The following IL1RAPL2 variants were observed in gnomAD, a reference collection of about 807,000 sequenced individuals.
IL1RAPL2 encodes the protein X-linked interleukin-1 receptor accessory protein-like 2.
In IL1RAPL2, 3 loss-of-function variants were observed where a neutral mutation model predicts 44.1. That is an observed-to-expected ratio of 0.07 (90% CI 0.03 to 0.18). The LOEUF (loss-of-function observed/expected upper bound fraction) is 0.18, where lower values mean the gene tolerates loss of function less well. Ranked by LOEUF, IL1RAPL2 falls within the 10% of genes least tolerant of loss-of-function variation. The probability of loss-of-function intolerance (pLI) is 1.00; values close to 1 mark genes in which losing one functional copy is unlikely to be tolerated. For missense variants in IL1RAPL2, 391 were observed against 496.4 expected, an observed-to-expected ratio of 0.79 and a Z score of 2.02; for synonymous variants, 181 against 178.8, an observed-to-expected ratio of 1.01 and a Z score of -0.10.
At chrX:104,642,649 T>A (rs751766254) in intron 1 of IL1RAPL2, among the ~76,000 whole-genome samples, 1 of 110,888 alleles carries the variant, frequency 9.0e-6, no homozygotes, top group African/African-American at 3.3e-5. Context: ...CACACCCAGC[T>A]AATTTTTTGT....
At chrX:104,706,258 A>G (rs947680556) in intron 2 of IL1RAPL2, among the ~76,000 whole-genome samples, 21 of 111,814 alleles carry the variant, frequency 1.9e-4, no homozygotes, top group African/African-American at 6.8e-4. Context: ...TGTTTTATTC[A>G]TATGTTCATT....
At chrX:105,170,085 C>T (rs896162655) in intron 2 of IL1RAPL2, among the ~76,000 whole-genome samples, 1 of 110,876 alleles carries the variant, frequency 9.0e-6, no homozygotes, top group African/African-American at 3.3e-5. Context: ...CAATTTCTAA[C>T]TTGTTATAAA....
chrX:104,803,131 T>G (rs1465074951), intron 2 of IL1RAPL2, among the ~76,000 whole-genome samples: 1 of 111,957 alleles, frequency 8.9e-6, no homozygotes, highest in Non-Finnish European at 1.9e-5. Flanking sequence ...GATGGATTCA[T>G]TAAGTTCATA....
intron 6 of IL1RAPL2, among the ~76,000 whole-genome samples, chrX:105,644,415 T>C (rs1395193308): frequency 9.0e-6 from 1 of 110,717 alleles, no homozygotes; most frequent in Non-Finnish European, 1.9e-5. Flanking sequence ...TAAAAATTGA[T>C]AAATAACATC....
chrX:104,648,851 C>T (rs1031949453), intron 1 of IL1RAPL2, among the ~76,000 whole-genome samples: 3 of 111,006 alleles, frequency 2.7e-5, no homozygotes, highest in Non-Finnish European at 3.8e-5. Flanking sequence ...TGTATGGAGC[C>T]CAAAGCTGGG....
At chrX:104,641,181 G>C (rs994575863) in intron 1 of IL1RAPL2, among the ~76,000 whole-genome samples, 4 of 112,032 alleles carry the variant, frequency 3.6e-5, no homozygotes, top group African/African-American at 1.3e-4. Context: ...GCACTTGCAG[G>C]TAGATGCCAG....
chrX:105,005,163 C>G (rs1243232671), intron 2 of IL1RAPL2, among the ~76,000 whole-genome samples: 1 of 110,895 alleles, frequency 9.0e-6, no homozygotes, highest in Non-Finnish European at 1.9e-5. Context: ...TTTTGTGAAA[C>G]CTATTCCCTC....
At chrX:105,275,949 G>A (rs192945920) in intron 5 of IL1RAPL2, among the ~76,000 whole-genome samples, 73 of 111,847 alleles carry the variant, frequency 6.5e-4, no homozygotes, top group Admixed American at 2.8e-3. Context: ...CAAAGTTGGT[G>A]ACTCCAGAGC....
At chrX:105,071,848 C>T (rs1484765967) in intron 2 of IL1RAPL2, among the ~76,000 whole-genome samples, 2 of 111,842 alleles carry the variant, frequency 1.8e-5, no homozygotes, top group African/African-American at 3.2e-5. Context: ...ACTCTCACAT[C>T]ATATATGAAA....
At chrX:104,995,895 A>G (rs888195654) in intron 2 of IL1RAPL2, among the ~76,000 whole-genome samples, 6 of 111,764 alleles carry the variant, frequency 5.4e-5, no homozygotes, top group African/African-American at 1.9e-4. Flanking sequence ...ACAATGCACT[A>G]TTTTAATTTA....
chrX:105,205,727 G>A (rs1438842838), intron 3 of IL1RAPL2, among the ~76,000 whole-genome samples: 1 of 102,753 alleles, frequency 9.7e-6, no homozygotes, highest in East Asian at 3.0e-4. Context: ...AGATGCTGTT[G>A]CATATTGTGG....
chrX:105,040,407 T>G lies in IL1RAPL2; in HGVS notation c.83-155068T>G, dbSNP rs186360776. On this transcript the variant is annotated intron_variant, in intron 2 of 10. Transcript: ENST00000372582. ...GATGCTGGCCTCATATAATGAGTTA[T>G]GGAGGATTCCCTCTTTTTCTATTGA... Among the ~76,000 whole-genome samples, 455 of 111,664 alleles carry G rather than the reference T, an allele frequency of 4.1e-3. 3 individuals are homozygous for G. The highest frequency in any genetic ancestry group is 0.014 in the African/African-American group (428 of 30,717).
chrX:105,125,239 T>C (rs1412755185), intron 2 of IL1RAPL2, among the ~76,000 whole-genome samples: 1 of 111,093 alleles, frequency 9.0e-6, no homozygotes, highest in African/African-American at 3.3e-5. Context: ...CTACCACATA[T>C]ATTCCCAGAA....
chrX:105,477,508 G>A (rs1163018825), intron 5 of IL1RAPL2, among the ~76,000 whole-genome samples: 1 of 111,603 alleles, frequency 9.0e-6, no homozygotes, highest in African/African-American at 3.3e-5. Context: ...CTTATGATGT[G>A]TTCAGAGCTC....
intron 2 of IL1RAPL2, among the ~76,000 whole-genome samples, chrX:104,807,430 G>C (rs1932930399): frequency 9.0e-6 from 1 of 111,449 alleles, no homozygotes; most frequent in Admixed American, 9.5e-5. Context: ...TTGGAATAGG[G>C]TTTATCTTTA....
intron 2 of IL1RAPL2, among the ~76,000 whole-genome samples, chrX:104,760,973 G>C (rs1320535730): frequency 9.0e-6 from 1 of 111,275 alleles, no homozygotes; most frequent in Non-Finnish European, 1.9e-5. Flanking sequence ...GAGAGATGGG[G>C]TCTACTTTCA....
chrX:105,419,197 A>T (rs1379369475), intron 5 of IL1RAPL2, among the ~76,000 whole-genome samples: 1 of 112,026 alleles, frequency 8.9e-6, no homozygotes, highest in Non-Finnish European at 1.9e-5. Flanking sequence ...CATCTATGTT[A>T]TAAAGAAAAA....
chrX:104,716,323 A>T (rs1931565441), intron 2 of IL1RAPL2, among the ~76,000 whole-genome samples: 1 of 111,394 alleles, frequency 9.0e-6, no homozygotes, highest in Non-Finnish European at 1.9e-5. Context: ...GAACTAAAAA[A>T]CCTGGAAGAC....
intron 1 of IL1RAPL2, among the ~76,000 whole-genome samples, chrX:104,640,471 T>A (rs1242087593): frequency 8.9e-6 from 1 of 112,018 alleles, no homozygotes; most frequent in Non-Finnish European, 1.9e-5. Flanking sequence ...TTTAAAATTA[T>A]TTTTCCATGA....
Sources: allele counts gnomAD v4.1 joint callset (sites outside exome capture counted in the v4.1 genomes callset), GRCh38; gene constraint gnomAD v4.1.1; transcripts MANE v1.5; gene names NCBI Gene and HGNC (gene_info 2026-07-23, HGNC 2026-07-21).